DCDC2: variants seen among roughly 807,000 people sequenced by gnomAD.
DCDC2 encodes doublecortin domain containing 2.
In DCDC2, 40 loss-of-function variants were observed where a neutral mutation model predicts 50.2. The ratio of observed to expected loss-of-function variants is 0.80; its 90% CI spans 0.62 to 1.04. The LOEUF is 1.04. Among genes scored for constraint, DCDC2 ranks in the 50% least tolerant of loss-of-function variants. DCDC2 has a pLI of 0.00. For missense variants in DCDC2, 570 were observed against 581.9 expected, an observed-to-expected ratio of 0.98 and a Z score of 0.21; for synonymous variants, 234 against 210.6, an observed-to-expected ratio of 1.11 and a Z score of -0.96.
the DCDC2 span, among the ~76,000 whole-genome samples, chr6:24,382,418 A>G: frequency 3.9e-5 from 6 of 152,204 alleles, no homozygotes; most frequent in Non-Finnish European, 8.8e-5. Context: ...AAAAAAATCA[A>G]TAAAGCCAAA....
At chr6:24,288,557 C>T (rs1267180080) in intron 6 of DCDC2, among the ~76,000 whole-genome samples, 1 of 152,134 alleles carries the variant, frequency 6.6e-6, no homozygotes, top group Non-Finnish European at 1.5e-5. Flanking sequence ...ATTGATGTGA[C>T]CTACTACAAT....
At chr6:24,296,588 T>C (rs1759250276) in intron 4 of DCDC2, among the ~76,000 whole-genome samples, 1 of 152,032 alleles carries the variant, frequency 6.6e-6, no homozygotes, top group Admixed American at 6.6e-5. Flanking sequence ...AGGTCTAATA[T>C]CCAGCATCTA....
intron 6 of DCDC2, among the ~76,000 whole-genome samples, chr6:24,284,560 G>A (rs1411882642): frequency 6.7e-6 from 1 of 149,370 alleles, no homozygotes; most frequent in Non-Finnish European, 1.5e-5. Context: ...GCAGTGAGCC[G>A]AGATCATGCC....
intron 7 of DCDC2, among the ~76,000 whole-genome samples, chr6:24,267,165 G>T (rs1581621135): frequency 1.3e-5 from 2 of 152,338 alleles, no homozygotes; most frequent in East Asian, 3.9e-4. Flanking sequence ...GGGAAGGGTA[G>T]TGAGGGTGAG....
At chr6:24,233,934 A>T (rs1408600946) in intron 7 of DCDC2, among the ~76,000 whole-genome samples, 1 of 152,230 alleles carries the variant, frequency 6.6e-6, no homozygotes, top group Non-Finnish European at 1.5e-5. Flanking sequence ...CTGAGTATCT[A>T]CTAAATGCCA....
intron 7 of DCDC2, among the ~76,000 whole-genome samples, chr6:24,239,728 G>A (rs527574244): frequency 6.6e-6 from 1 of 152,192 alleles, no homozygotes; most frequent in South Asian, 2.1e-4. Flanking sequence ...TCAAATGAGG[G>A]AAGTTTATAT....
At position 24,285,069 on chromosome 6, in the gene DCDC2, A is replaced by C. The variant is rs574080128; in HGVS notation, c.759+3783T>G. Among the ~76,000 whole-genome samples, 4 of 151,926 alleles carry C rather than the reference A, an allele frequency of 2.6e-5. No individual in the cohort carries two copies. The South Asian group carries it at 6.3e-4, about 24-fold the overall frequency. On this transcript the variant is annotated intron_variant, in intron 6 of 9. Transcript: ENST00000378454. ...ACACATACATGCACACACACACACT[A>C]GAATGAAAGCACCATAAATCTAAGT...
At chr6:24,343,134 G>A (rs754488523) in intron 2 of DCDC2, among the ~76,000 whole-genome samples, 23 of 146,864 alleles carry the variant, frequency 1.6e-4, no homozygotes, top group Admixed American at 1.3e-3. Flanking sequence ...TGCAAGCTCC[G>A]TCTCCCGGGT....
chr6:24,258,371 T>G (rs1330446850), intron 7 of DCDC2, among the ~76,000 whole-genome samples: 2 of 152,178 alleles, frequency 1.3e-5, no homozygotes, highest in East Asian at 3.8e-4. Context: ...TTTACAAACA[T>G]CTAGCTAGCC....
intron 7 of DCDC2, among the ~76,000 whole-genome samples, chr6:24,231,658 G>A (rs1375949726): frequency 6.6e-6 from 1 of 151,526 alleles, no homozygotes; most frequent in Non-Finnish European, 1.5e-5. Context: ...CTCACTCAAA[G>A]GGAAAATGGT....
intron 7 of DCDC2, among the ~76,000 whole-genome samples, chr6:24,273,788 G>A (rs551136707): frequency 2.0e-5 from 3 of 152,320 alleles, no homozygotes; most frequent in African/African-American, 7.2e-5. Context: ...GGCGATGCAG[G>A]CAAACCATGT....
At chr6:24,218,210 A>G (rs72828983) in intron 7 of DCDC2, among the ~76,000 whole-genome samples, 14,581 of 152,258 alleles carry the variant, frequency 0.096, 873 homozygotes, top group East Asian at 0.19. Flanking sequence ...AAGAGATCTC[A>G]GTAGCCTCAA....
the DCDC2 span, among the ~76,000 whole-genome samples, chr6:24,367,572 A>G: frequency 6.6e-6 from 1 of 152,320 alleles, no homozygotes; most frequent in African/African-American, 2.4e-5. Flanking sequence ...ATAGTTATGG[A>G]ACCTAATTAA....
intron 2 of DCDC2, among the ~76,000 whole-genome samples, chr6:24,333,945 G>A (rs913083065): frequency 6.6e-6 from 1 of 152,152 alleles, no homozygotes; most frequent in Non-Finnish European, 1.5e-5. Context: ...GAAGGTTTAT[G>A]ACTCTCAAAA....
chr6:24,301,575 C>G, intron 4 of DCDC2, 140 bp downstream of exon 4: 2 of 931,352 alleles, frequency 2.1e-6, no homozygotes, highest in South Asian at 1.7e-5. Flanking sequence ...TATCTCCATT[C>G]TACAGATAAA....
intron 7 of DCDC2, among the ~76,000 whole-genome samples, chr6:24,231,144 G>T (rs994980568): frequency 6.6e-6 from 1 of 152,216 alleles, no homozygotes; most frequent in South Asian, 2.1e-4. Context: ...CTGGGTGCCA[G>T]GTCCCTTTCC....
intron 7 of DCDC2, among the ~76,000 whole-genome samples, chr6:24,258,348 CTGAT>C (rs1359510488): frequency 6.6e-6 from 1 of 152,170 alleles, no homozygotes; most frequent in African/African-American, 2.4e-5. Flanking sequence ...TTACAGAGCA[CTGAT>C]TGGTCCACTT....
chr6:24,358,564 C>A (rs559014399), upstream of DCDC2, among the ~76,000 whole-genome samples: 3 of 142,008 alleles, frequency 2.1e-5, no homozygotes, highest in African/African-American at 7.9e-5. Context: ...CGCCTGTGGA[C>A]CCAGCTATCT....
intron 7 of DCDC2, among the ~76,000 whole-genome samples, chr6:24,273,819 A>G (rs960877824): frequency 6.6e-6 from 1 of 152,230 alleles, no homozygotes; most frequent in African/African-American, 2.4e-5. Flanking sequence ...GCTATTAAGA[A>G]ATTCAAGAGC....
Sources: gnomAD v4.1 joint callset for allele counts (sites outside exome capture counted in the v4.1 genomes callset) on GRCh38, gnomAD v4.1.1 for gene constraint, MANE v1.5 for transcripts, NCBI Gene and HGNC (gene_info 2026-07-23, HGNC 2026-07-21) for gene names.